The following LRP5 variants were observed in gnomAD, a reference collection of about 807,000 sequenced individuals.
LRP5 encodes low-density lipoprotein receptor-related protein 5.
Under a neutral mutation model 154.1 loss-of-function variants are expected in LRP5, and 62 were observed. The observed-to-expected ratio is 0.40, with a 90% CI of 0.33 to 0.50. The LOEUF (loss-of-function observed/expected upper bound fraction) is 0.50, where lower values mean the gene tolerates loss of function less well. LRP5 is among the 20% of genes least tolerant of loss of function. The pLI is 0.55. For missense variants in LRP5, 1,915 were observed against 2,336.7 expected, an observed-to-expected ratio of 0.82 and a Z score of 3.72; for synonymous variants, 966 against 1,011.5, an observed-to-expected ratio of 0.96 and a Z score of 0.85.
chr11:68,416,417 C>G lies in LRP5; in HGVS notation c.2917C>G (p.Leu973Val). ...GCACAGCCCGGATCTCATCCTGCCC[C>G]TGCATGGACTGAGGAACGTCAAAGC... is the stretch of plus-strand genomic sequence containing the variant. The part of the protein sequence containing the change: ...DQHSPDLILP[L>V]HGLRNVKAID... The change falls in exon 13 of 23, where the codon CTG becomes GTG. Residue 973 changes from leucine (L) to valine (V), a missense_variant. Coordinates refer to ENST00000294304, the MANE Select transcript of LRP5 (RefSeq NM_002335.4). 1.2e-6 allele frequency: 2 copies of G among 1,614,194 alleles called. No homozygotes were observed. The highest frequency in any genetic ancestry group is 1.7e-6 in the Non-Finnish European group (2 of 1,180,046).
intron 17 of LRP5, among the ~76,000 whole-genome samples, chr11:68,432,173 G>A (rs73516810): frequency 0.055 from 8,374 of 152,282 alleles, 306 homozygotes; most frequent in Middle Eastern, 0.17. Flanking sequence ...GCTCACAGGA[G>A]CTTGTGGTGC....
chr11:68,412,921 G>A (rs2098660439), intron 11 of LRP5: 1 of 172,250 alleles, frequency 5.8e-6, no homozygotes, highest in Non-Finnish European at 1.3e-5. Context: ...TACAGATGAG[G>A]AGGCTGGGGC....
intron 10 of LRP5, 58 bp downstream of exon 10, chr11:68,410,198 G>A (rs1203118235): frequency 4.9e-6 from 7 of 1,415,948 alleles, no homozygotes; most frequent in South Asian, 2.4e-5. Context: ...ACAGTGCGGG[G>A]GTGCCAACTG....
intron 2 of LRP5, among the ~76,000 whole-genome samples, chr11:68,355,594 G>A (rs952509233): frequency 1.3e-5 from 2 of 152,148 alleles, no homozygotes; most frequent in African/African-American, 4.8e-5. Context: ...CACACCCTGT[G>A]GTCACCTCCA....
chr11:68,363,743 G>A lies in LRP5; in HGVS notation c.687-4G>A, dbSNP rs373277883. 3 of 1,611,570 alleles carry A rather than the reference G, an allele frequency of 1.9e-6. No individual in the cohort carries two copies. The highest frequency in any genetic ancestry group is 1.3e-5 in the African/African-American group (1 of 74,728). On this transcript the variant is annotated splice_polypyrimidine_tract_variant and splice_region_variant and intron_variant, in intron 3 of 22. Coordinates refer to ENST00000294304, the MANE Select transcript of LRP5 (RefSeq NM_002335.4). ...GCTCCTCCACCCCGCTTCCCTGACT[G>A]CAGGCAGAAGGTGGTGGAGGGCAGC... is the stretch of plus-strand genomic sequence containing the variant.
intron 5 of LRP5, among the ~76,000 whole-genome samples, chr11:68,378,494 A>T (rs558249583): frequency 8.5e-6 from 1 of 117,034 alleles, no homozygotes; most frequent in South Asian, 3.4e-4. Context: ...CCCCAGGAAG[A>T]GGACCCTGTC....
chr11:68,436,471 G>C (rs2098674978), intron 18 of LRP5, among the ~76,000 whole-genome samples: 1 of 152,020 alleles, frequency 6.6e-6, no homozygotes, highest in Admixed American at 6.5e-5. Context: ...CTCCCCTCAA[G>C]CTCTGCTGAG....
chr11:68,354,243 T>C (rs776985067), intron 2 of LRP5, among the ~76,000 whole-genome samples: 2 of 152,246 alleles, frequency 1.3e-5, no homozygotes, highest in Non-Finnish European at 2.9e-5. Context: ...TGGCTGGGCT[T>C]GTGGTAGCGT....
chr11:68,335,367 C>T (rs925023047), intron 1 of LRP5, among the ~76,000 whole-genome samples: 2 of 152,052 alleles, frequency 1.3e-5, no homozygotes, highest in African/African-American at 2.4e-5. Context: ...AGCCACCGCA[C>T]TCAGCCCATA....
At chr11:68,342,476 C>G (rs1227182475) in intron 1 of LRP5, among the ~76,000 whole-genome samples, 1 of 152,196 alleles carries the variant, frequency 6.6e-6, no homozygotes, top group Admixed American at 6.5e-5. Context: ...TGGGGAAGGG[C>G]AGGGGCCACC....
At chr11:68,339,695 C>T (rs1193828429) in intron 1 of LRP5, among the ~76,000 whole-genome samples, 1 of 152,200 alleles carries the variant, frequency 6.6e-6, no homozygotes, top group African/African-American at 2.4e-5. Flanking sequence ...CTCTCACCTC[C>T]GTCAGGTGGT....
At chr11:68,303,154 CAG>C in the LRP5 span, among the ~76,000 whole-genome samples, 14 of 152,160 alleles carry the variant, frequency 9.2e-5, no homozygotes, top group Non-Finnish European at 4.4e-5. Flanking sequence ...TTTATTGAGA[CAG>C]GATCTTGCTC....
intron 2 of LRP5, among the ~76,000 whole-genome samples, chr11:68,352,856 G>A (rs1026091489): frequency 6.6e-5 from 10 of 151,746 alleles, no homozygotes; most frequent in African/African-American, 2.2e-4. Flanking sequence ...GGTGCTAGGC[G>A]CTTGGTTGGG....
intron 18 of LRP5, among the ~76,000 whole-genome samples, chr11:68,435,519 A>T (rs1234520175): frequency 6.7e-6 from 1 of 150,164 alleles, no homozygotes; most frequent in Non-Finnish European, 1.5e-5. Flanking sequence ...TCTTGCCCTC[A>T]CCTTGAGAGG....
chr11:68,433,098 G>A (rs935972887), intron 17 of LRP5, among the ~76,000 whole-genome samples: 3 of 152,224 alleles, frequency 2.0e-5, no homozygotes, highest in African/African-American at 7.2e-5. Context: ...ACAGAGGCCT[G>A]GCCCTTCTTC....
At chr11:68,366,906 A>T (rs1158161201) in intron 5 of LRP5, among the ~76,000 whole-genome samples, 1 of 146,122 alleles carries the variant, frequency 6.8e-6, no homozygotes, top group East Asian at 2.1e-4. Flanking sequence ...TTTGTCGAAC[A>T]CTTGCCGGGT....
chr11:68,345,636 A>G (rs1040564258), intron 1 of LRP5, among the ~76,000 whole-genome samples: 1 of 152,162 alleles, frequency 6.6e-6, no homozygotes, highest in Non-Finnish European at 1.5e-5. Context: ...TCCAAGGTGT[A>G]TGCATATCTG....
chr11:68,448,380 T>C (rs1386769450), intron 22 of LRP5, among the ~76,000 whole-genome samples: 2 of 152,238 alleles, frequency 1.3e-5, no homozygotes, highest in Non-Finnish European at 2.9e-5. Context: ...TCTCCTGTTT[T>C]GTCGGACACT....
At chr11:68,359,537 T>C (rs772156244) in intron 3 of LRP5, among the ~76,000 whole-genome samples, 18 of 152,078 alleles carry the variant, frequency 1.2e-4, no homozygotes, top group Non-Finnish European at 1.8e-4. Context: ...GTGAGGGTGA[T>C]GGAGGTTGAA....
Sources: gnomAD v4.1 joint callset for allele counts (sites outside exome capture counted in the v4.1 genomes callset) on GRCh38, gnomAD v4.1.1 for gene constraint, MANE v1.5 for transcripts, NCBI Gene and HGNC (gene_info 2026-07-23, HGNC 2026-07-21) for gene names.